FHOD3: variants seen among roughly 807,000 people sequenced by gnomAD.
FHOD3 encodes the protein FH1/FH2 domain-containing protein 3.
Under a neutral mutation model 173.0 loss-of-function variants are expected in FHOD3, and 90 were observed. The ratio of observed to expected loss-of-function variants is 0.52; its 90% CI spans 0.44 to 0.62. The LOEUF is 0.62. FHOD3 is among the 20% of genes least tolerant of loss of function. FHOD3 has a pLI of 0.00. For synonymous variants in FHOD3, 828 were observed against 823.0 expected, an observed-to-expected ratio of 1.01 and a Z score of -0.10; for missense variants, 1,945 against 2,034.7, an observed-to-expected ratio of 0.96 and a Z score of 0.85.
At chr18:36,425,923 C>G (rs1415332083) in intron 3 of FHOD3, among the ~76,000 whole-genome samples, 1 of 147,528 alleles carries the variant, frequency 6.8e-6, no homozygotes, top group Non-Finnish European at 1.5e-5. Flanking sequence ...TTTTTCGAGA[C>G]GAAATCTTGC....
intron 28 of FHOD3, chr18:36,778,248 T>A (rs1214576283): frequency 6.6e-6 from 1 of 152,248 alleles, no homozygotes; most frequent in African/African-American, 2.4e-5. Flanking sequence ...GGGGAGTAGA[T>A]GAGGGGAGTT....
intron 1 of FHOD3, among the ~76,000 whole-genome samples, chr18:36,335,816 G>A (rs1450247585): frequency 6.6e-6 from 1 of 152,160 alleles, no homozygotes; most frequent in African/African-American, 2.4e-5. Context: ...TGCCTCTGTT[G>A]CTAGACAGGG....
intron 28 of FHOD3, 130 bp downstream of exon 28, chr18:36,769,556 T>G: frequency 8.1e-7 from 1 of 1,241,034 alleles, no homozygotes; most frequent in Non-Finnish European, 1.1e-6. Flanking sequence ...CTACTTGCAC[T>G]CATCCACAGA....
chr18:36,366,785 C>T (rs2046919190), intron 2 of FHOD3, among the ~76,000 whole-genome samples: 1 of 152,218 alleles, frequency 6.6e-6, no homozygotes, highest in South Asian at 2.1e-4. Flanking sequence ...AGCCCCACAG[C>T]TCCAGAAGCT....
chr18:36,543,612 G>C (rs2057306780), intron 5 of FHOD3, among the ~76,000 whole-genome samples: 1 of 152,162 alleles, frequency 6.6e-6, no homozygotes, highest in Admixed American at 6.5e-5. Flanking sequence ...TTTAAACTCA[G>C]CTGGCCTGAG....
intron 5 of FHOD3, among the ~76,000 whole-genome samples, chr18:36,554,420 G>C (rs1164659177): frequency 6.9e-6 from 1 of 144,542 alleles, no homozygotes; most frequent in Non-Finnish European, 1.5e-5. Context: ...CTCACTCATA[G>C]ATGGGAATTG....
At chr18:36,406,944 T>C (rs34101177) in intron 3 of FHOD3, among the ~76,000 whole-genome samples, 21,387 of 152,254 alleles carry the variant, frequency 0.14, 1,939 homozygotes, top group Middle Eastern at 0.33. Flanking sequence ...GTGCACCTGC[T>C]TCTGTGCCTG....
chr18:36,484,497 G>A (rs1464695612), intron 3 of FHOD3, among the ~76,000 whole-genome samples: 1 of 152,088 alleles, frequency 6.6e-6, no homozygotes, highest in African/African-American at 2.4e-5. Flanking sequence ...GTATTAACTG[G>A]TGAAATAATA....
chr18:36,739,807 A>G (rs902048539), intron 20 of FHOD3, among the ~76,000 whole-genome samples: 1 of 152,242 alleles, frequency 6.6e-6, no homozygotes, highest in Non-Finnish European at 1.5e-5. Context: ...TTGACCCTAT[A>G]TCATACAACA....
intron 10 of FHOD3, among the ~76,000 whole-genome samples, chr18:36,630,761 C>G (rs779100378): frequency 5.9e-5 from 9 of 152,200 alleles, no homozygotes; most frequent in African/African-American, 1.7e-4. Flanking sequence ...CCGATACTTT[C>G]AACTGATGGT....
At chr18:36,491,222 G>A (rs901725302) in intron 3 of FHOD3, among the ~76,000 whole-genome samples, 1 of 152,130 alleles carries the variant, frequency 6.6e-6, no homozygotes, top group African/African-American at 2.4e-5. Context: ...ACTTCCTGTA[G>A]GCTTGCCTTT....
At chr18:36,612,234 CA>C (rs2032758702) in intron 9 of FHOD3, 139 bp downstream of exon 9, 1 of 875,598 alleles carries the variant, frequency 1.1e-6, no homozygotes, top group East Asian at 2.7e-5. Flanking sequence ...GGCTTCACCC[CA>C]GACCTACTGA....
chr18:36,598,825 A>G (rs192905233), intron 7 of FHOD3, among the ~76,000 whole-genome samples: 30 of 152,344 alleles, frequency 2.0e-4, no homozygotes, highest in African/African-American at 6.7e-4. Context: ...CTGGGATTAC[A>G]GGCGTGAGCC....
At chr18:36,524,041 G>A (rs565529835) in intron 5 of FHOD3, among the ~76,000 whole-genome samples, 2 of 152,254 alleles carry the variant, frequency 1.3e-5, no homozygotes, top group Admixed American at 1.3e-4. Flanking sequence ...AGCACTTTGG[G>A]AGGCCGATGG....
intron 2 of FHOD3, among the ~76,000 whole-genome samples, chr18:36,356,446 A>G (rs1372721264): frequency 2.0e-5 from 3 of 152,152 alleles, no homozygotes; most frequent in African/African-American, 7.2e-5. Context: ...TATTTATTAG[A>G]TTACTGAAAT....
intron 1 of FHOD3, among the ~76,000 whole-genome samples, chr18:36,340,602 GT>G (rs1268077685): frequency 2.0e-5 from 3 of 148,662 alleles, no homozygotes. Context: ...TTTCCCTCTG[GT>G]TCTCTCTGGC....
intron 3 of FHOD3, among the ~76,000 whole-genome samples, chr18:36,415,833 A>G (rs1285953069): frequency 6.6e-6 from 1 of 152,128 alleles, no homozygotes; most frequent in African/African-American, 2.4e-5. Flanking sequence ...TAAGGGTGGC[A>G]TTTTTCCTTT....
At chr18:36,738,473 A>G (rs1261682888) in intron 20 of FHOD3, among the ~76,000 whole-genome samples, 1 of 152,220 alleles carries the variant, frequency 6.6e-6, no homozygotes, top group African/African-American at 2.4e-5. Flanking sequence ...TTGGTTTATT[A>G]TCTTATTCTT....
At chr18:36,313,188 T>C (rs2092296558) in intron 1 of FHOD3, among the ~76,000 whole-genome samples, 1 of 152,298 alleles carries the variant, frequency 6.6e-6, no homozygotes, top group African/African-American at 2.4e-5. Flanking sequence ...TGTACTCTAC[T>C]TGTTAGAAGT....
Sources: allele counts gnomAD v4.1 joint callset (sites outside exome capture counted in the v4.1 genomes callset), GRCh38; gene constraint gnomAD v4.1.1; transcripts MANE v1.5; gene names NCBI Gene and HGNC (gene_info 2026-07-23, HGNC 2026-07-21).